SPATC1L: variants seen among roughly 807,000 people sequenced by gnomAD.
SPATC1L encodes speriolin-like protein.
In SPATC1L, 20 loss-of-function variants were observed where a neutral mutation model predicts 21.2. The ratio of observed to expected loss-of-function variants is 0.94; its 90% CI spans 0.66 to 1.37. The LOEUF is 1.37. Ranked by LOEUF, SPATC1L falls within the 40% of genes most tolerant of loss-of-function variation. SPATC1L has a pLI of 0.00. For synonymous variants in SPATC1L, 290 were observed against 234.5 expected, an observed-to-expected ratio of 1.24 and a Z score of -2.16; for missense variants, 499 against 478.7, an observed-to-expected ratio of 1.04 and a Z score of -0.40.
Position 46,161,568 on chromosome 21 carries a change from G to C in SPATC1L, c.834C>G (p.Leu278=). The C allele has an allele frequency of 6.2e-7, 1 of 1,610,690 alleles. No homozygotes were observed. Among genetic ancestry groups the C allele is most frequent in the South Asian group, 1.1e-5 (1 of 90,828 alleles). The change falls in exon 5 of 5, where the codon CTC becomes CTG. Residue 278 remains leucine, a synonymous_variant. Coordinates refer to ENST00000291672, the MANE Select transcript of SPATC1L (RefSeq NM_001142854.2). ...GCTTCAGGATTCCGTAGGTGTTGAT[G>C]AGGAACTCGCTGAACGCCGGGTGCA... is the stretch of plus-strand genomic sequence containing the variant. ...RDVHPAFSEF[L]INTYGILKQR...
chr21:46,184,151 C>T (rs1262939401), intron 1 of SPATC1L, among the ~76,000 whole-genome samples: 2 of 152,176 alleles, frequency 1.3e-5, no homozygotes, highest in Non-Finnish European at 2.9e-5. Flanking sequence ...GCGCCCGTGT[C>T]TAAGACACCA....
chr21:46,165,623 GACA>G (rs1203371678), intron 3 of SPATC1L, among the ~76,000 whole-genome samples: 2 of 146,870 alleles, frequency 1.4e-5, no homozygotes, highest in Admixed American at 6.8e-5. Context: ...ACTAGAAAAG[GACA>G]ACATGAGTAT....
At chr21:46,166,047 G>C (rs1479961145) in intron 3 of SPATC1L, among the ~76,000 whole-genome samples, 1 of 152,166 alleles carries the variant, frequency 6.6e-6, no homozygotes, top group East Asian at 1.9e-4. Context: ...AAAATGGCAG[G>C]AGTAAATCTT....
chr21:46,161,261 T>C lies in SPATC1L; in HGVS notation c.*118A>G. On this transcript the variant is annotated 3_prime_UTR_variant, in exon 5 of 5. Coordinates refer to ENST00000291672, the MANE Select transcript of SPATC1L (RefSeq NM_001142854.2). ...GCACCGGTGGGAGCGGGGCCTTCTC[T>C]GGCCTCGCGCGCGGGGGACGCGGCC... 2 of 1,023,558 alleles carry C rather than the reference T, an allele frequency of 2.0e-6. No individual in the cohort carries two copies. Among genetic ancestry groups the C allele is most frequent in the Non-Finnish European group, 2.7e-6 (2 of 747,978 alleles). 63.4% of individuals were successfully genotyped at this position (1,023,558 alleles called of 1,614,324 possible).
intron 2 of SPATC1L, among the ~76,000 whole-genome samples, chr21:46,171,475 C>T (rs1043013325): frequency 6.6e-6 from 1 of 151,916 alleles, no homozygotes; most frequent in African/African-American, 2.4e-5. Flanking sequence ...ACTAATCTTC[C>T]CTCTGAAATG....
At chr21:46,166,443 G>T (rs1383442434) in intron 3 of SPATC1L, among the ~76,000 whole-genome samples, 1 of 151,864 alleles carries the variant, frequency 6.6e-6, no homozygotes, top group Non-Finnish European at 1.5e-5. Flanking sequence ...AAGAAACTTT[G>T]AATGTAAATA....
intron 2 of SPATC1L, among the ~76,000 whole-genome samples, chr21:46,174,281 A>G (rs2079612968): frequency 6.8e-6 from 1 of 147,682 alleles, no homozygotes; most frequent in African/African-American, 2.6e-5. Context: ...GTGAGCCGAG[A>G]TTGTGCTACT....
At chr21:46,166,725 T>C (rs1350176286) in intron 3 of SPATC1L, among the ~76,000 whole-genome samples, 1 of 152,138 alleles carries the variant, frequency 6.6e-6, no homozygotes, top group Admixed American at 6.5e-5. Flanking sequence ...AGCAAGAGGA[T>C]ATAACAGTTA....
At position 46,184,446 on chromosome 21, in the gene SPATC1L, AC is replaced by A. The variant is rs1176673084; in HGVS notation, c.-1050del. 1.2e-5 allele frequency: 2 copies of A among 164,008 alleles called. No homozygotes were observed. Among genetic ancestry groups the A allele is most frequent in the African/African-American group, 4.8e-5 (2 of 41,352 alleles). 10.2% of individuals were successfully genotyped at this position (164,008 alleles called of 1,614,324 possible). A position where few individuals can be genotyped will look rare whatever the true frequency, so the allele number is the denominator to read the frequency against. ...ATCTCATCCTCATGGGAAGGGACGT[AC>A]GGCAGAAAGCACAACCCAGTGGGCC... is the stretch of plus-strand genomic sequence containing the variant. On this transcript the variant is annotated 5_prime_UTR_variant, in exon 1 of 5. Coordinates refer to ENST00000291672, the MANE Select transcript of SPATC1L (RefSeq NM_001142854.2).
At chr21:46,162,238 C>T (rs563975246) in intron 3 of SPATC1L, among the ~76,000 whole-genome samples, 171 bp from the exon 4 acceptor site, 1 of 152,284 alleles carries the variant, frequency 6.6e-6, no homozygotes, top group East Asian at 1.9e-4. Flanking sequence ...CTTAAAGTGC[C>T]AAAGGGCAAG....
chr21:46,170,639 C>G (rs1347846908), intron 2 of SPATC1L, among the ~76,000 whole-genome samples: 12 of 121,116 alleles, frequency 9.9e-5, no homozygotes, highest in South Asian at 7.6e-4. Flanking sequence ...GGAGGAGCTT[C>G]CCTGCTCTGT....
At chr21:46,165,146 G>C (rs912875262) in intron 3 of SPATC1L, among the ~76,000 whole-genome samples, 1 of 152,162 alleles carries the variant, frequency 6.6e-6, no homozygotes, top group Non-Finnish European at 1.5e-5. Context: ...AGATGAAATT[G>C]ACCAATTCCT....
intron 2 of SPATC1L, among the ~76,000 whole-genome samples, chr21:46,181,315 G>A (rs2079671254): frequency 6.6e-6 from 1 of 152,146 alleles, no homozygotes; most frequent in Admixed American, 6.5e-5. Flanking sequence ...CTGGGGCCTC[G>A]CACAGCATGG....
At chr21:46,175,074 G>T (rs923971417) in intron 2 of SPATC1L, among the ~76,000 whole-genome samples, 5 of 152,182 alleles carry the variant, frequency 3.3e-5, no homozygotes, top group Non-Finnish European at 7.3e-5. Context: ...GGTAAACAGT[G>T]AAATTAAGGC....
chr21:46,164,209 C>T (rs573884332), intron 3 of SPATC1L, among the ~76,000 whole-genome samples: 16 of 152,152 alleles, frequency 1.1e-4, no homozygotes, highest in Admixed American at 2.6e-4. Context: ...GATGGGGTTT[C>T]GCCCTGTTGC....
At chr21:46,162,101 G>A in intron 3 of SPATC1L, 34 bp from the exon 4 acceptor site, 2 of 1,530,902 alleles carry the variant, frequency 1.3e-6, no homozygotes, top group Non-Finnish European at 1.8e-6. Flanking sequence ...AAGGTCAGGG[G>A]AGCGCGAGGA....
intron 2 of SPATC1L, 53 bp downstream of exon 2, chr21:46,182,571 G>A (rs1465827220): frequency 3.5e-6 from 5 of 1,410,700 alleles, no homozygotes; most frequent in African/African-American, 1.5e-5. Flanking sequence ...CGGGGAGCAG[G>A]CGTCCCGCGA....
chr21:46,183,093 A>C lies in SPATC1L; in HGVS notation c.-277T>G. The C allele has an allele frequency of 2.2e-6, 1 of 459,190 alleles. No individual in the cohort carries two copies. The highest frequency in any genetic ancestry group is 3.8e-6 in the Non-Finnish European group (1 of 260,910). The allele number at this position is 459,190 out of a possible 1,614,324, so 28.4% of individuals were successfully genotyped here. A position where few individuals can be genotyped will look rare whatever the true frequency, so the allele number is the denominator to read the frequency against. On this transcript the variant is annotated 5_prime_UTR_variant, in exon 2 of 5. Transcript: ENST00000291672. The stretch of plus-strand genomic sequence containing the variant: ...TGACCAGGGCCCGAGAATGCCAAGG[A>C]CATTAGGCAGCTACGGGATGTAGCG...
chr21:46,167,038 T>C (rs1347178700), intron 3 of SPATC1L, among the ~76,000 whole-genome samples: 6 of 152,164 alleles, frequency 3.9e-5, no homozygotes, highest in Admixed American at 1.3e-4. Flanking sequence ...AAAACAAGTC[T>C]TTAAAAATCA....
Sources: gnomAD v4.1 joint callset for allele counts (sites outside exome capture counted in the v4.1 genomes callset) on GRCh38, gnomAD v4.1.1 for gene constraint, MANE v1.5 for transcripts, NCBI Gene and HGNC (gene_info 2026-07-23, HGNC 2026-07-21) for gene names.